RNF152: variants seen among roughly 807,000 people sequenced by gnomAD.
RNF152 encodes the protein ring finger protein 152, also known as E3 ubiquitin-protein ligase RNF152.
RNF152 carries 11 observed loss-of-function variants against 12.7 expected under a neutral mutation model. The observed-to-expected ratio is 0.86, with a 90% CI of 0.54 to 1.43. RNF152 has a LOEUF of 1.43. RNF152 is among the 40% of genes most tolerant of loss of function. RNF152 has a pLI of 0.00. For synonymous variants in RNF152, 113 were observed against 120.3 expected, an observed-to-expected ratio of 0.94 and a Z score of 0.40; for missense variants, 255 against 274.8, an observed-to-expected ratio of 0.93 and a Z score of 0.51.
intron 1 of RNF152, among the ~76,000 whole-genome samples, chr18:61,882,453 G>A (rs1190227701): frequency 3.9e-5 from 6 of 152,234 alleles, no homozygotes; most frequent in African/African-American, 1.4e-4. Context: ...TGATTACATG[G>A]GAAAGAGGCA....
At chr18:61,828,788 C>T (rs1026690228) in intron 1 of RNF152, among the ~76,000 whole-genome samples, 9 of 152,114 alleles carry the variant, frequency 5.9e-5, no homozygotes, top group Non-Finnish European at 1.3e-4. Flanking sequence ...TAAGGCACTA[C>T]TCTAGGTTTG....
intron 1 of RNF152, among the ~76,000 whole-genome samples, chr18:61,826,773 G>A (rs931787812): frequency 3.3e-5 from 5 of 152,140 alleles, no homozygotes; most frequent in Admixed American, 2.6e-4. Flanking sequence ...CACCTACCTC[G>A]AAATCAGCTT....
chr18:61,847,786 C>T (rs909280378), intron 1 of RNF152, among the ~76,000 whole-genome samples: 4 of 152,136 alleles, frequency 2.6e-5, no homozygotes, highest in African/African-American at 7.2e-5. Flanking sequence ...CAGTCTTCCC[C>T]TTCAGTCAAT....
chr18:61,826,809 C>G (rs1909693231), intron 1 of RNF152, among the ~76,000 whole-genome samples: 1 of 152,136 alleles, frequency 6.6e-6, no homozygotes, highest in Non-Finnish European at 1.5e-5. Context: ...GTTACCTTAC[C>G]TGAGTTTTCT....
chr18:61,828,658 C>T (rs529795578), intron 1 of RNF152, among the ~76,000 whole-genome samples: 1 of 152,268 alleles, frequency 6.6e-6, no homozygotes, highest in Non-Finnish European at 1.5e-5. Flanking sequence ...TCTCAGTGTA[C>T]TTTAGTGTGT....
At chr18:61,817,997 G>A (rs1909194883) in intron 1 of RNF152, among the ~76,000 whole-genome samples, 2 of 152,208 alleles carry the variant, frequency 1.3e-5, no homozygotes, top group Admixed American at 6.5e-5. Context: ...CTAGAGATGG[G>A]AGCTATAACA....
intron 1 of RNF152, among the ~76,000 whole-genome samples, chr18:61,879,378 A>G (rs1912354797): frequency 6.6e-6 from 1 of 152,196 alleles, no homozygotes; most frequent in Non-Finnish European, 1.5e-5. Context: ...GTTATATGCA[A>G]AAACTATGGC....
At chr18:61,819,663 T>C (rs1427260269) in intron 1 of RNF152, among the ~76,000 whole-genome samples, 1 of 152,180 alleles carries the variant, frequency 6.6e-6, no homozygotes, top group Non-Finnish European at 1.5e-5. Context: ...ATGAGTTCTG[T>C]TCAGGCCATA....
At chr18:61,829,985 T>A (rs1909862616) in intron 1 of RNF152, among the ~76,000 whole-genome samples, 1 of 151,982 alleles carries the variant, frequency 6.6e-6, no homozygotes, top group Non-Finnish European at 1.5e-5. Flanking sequence ...TAAGTCACCA[T>A]CATGTGTAGC....
Position 61,816,094 on chromosome 18 carries a change from C to G in RNF152, c.370G>C (p.Gly124Arg). The G allele has an allele frequency of 1.2e-6, 2 of 1,614,180 alleles. No individual in the cohort carries two copies. Among genetic ancestry groups the G allele is most frequent in the Non-Finnish European group, 1.7e-6 (2 of 1,180,022 alleles). ...ACGGTGACGGACTTCTGCTGGCTCC[C>G]GGGCAGCAGGCGGCAGCCCATGTCT... ...PGDMGCRLLP[G>R]SQQKSVTVVT... is the part of the protein sequence containing the mutation. The change falls in exon 2 of 2, where the codon GGG becomes CGG. Residue 124 changes from glycine (G) to arginine (R), a missense_variant. Transcript: ENST00000312828.
chr18:61,871,868 T>C (rs1301762956), intron 1 of RNF152, among the ~76,000 whole-genome samples: 1 of 152,170 alleles, frequency 6.6e-6, no homozygotes, highest in Non-Finnish European at 1.5e-5. Context: ...GGTACATATC[T>C]TCATGGCAAC....
intron 1 of RNF152, among the ~76,000 whole-genome samples, chr18:61,886,532 C>T (rs898420602): frequency 6.6e-6 from 1 of 152,126 alleles, no homozygotes; most frequent in African/African-American, 2.4e-5. Context: ...TGATTTTGCC[C>T]CCATTGTAGG....
At position 61,816,257 on chromosome 18, in the gene RNF152, G is replaced by T. The variant is rs566430289; in HGVS notation, c.207C>A (p.Leu69=). 6.2e-7 allele frequency: 1 copy of T among 1,614,238 alleles called. No homozygotes were observed. The highest frequency in any genetic ancestry group is 1.3e-5 in the African/African-American group (1 of 75,080). The change falls in exon 2 of 2, where the codon CTC becomes CTA. Residue 69 remains leucine, a synonymous_variant. Transcript: ENST00000312828. The stretch of plus-strand genomic sequence containing the variant: ...CAGCCAGGACCTCCGGGTCGTCCGG[G>T]AGCTGCGACACGGAGAAGCCGGGAG... ...KLPPGFSVSQ[L]PDDPEVLAVI...
chr18:61,848,941 C>T (rs576473680), intron 1 of RNF152, among the ~76,000 whole-genome samples: 2 of 152,346 alleles, frequency 1.3e-5, no homozygotes, highest in East Asian at 3.9e-4. Context: ...GATGCAGAAT[C>T]TCCAGCACAA....
rs762750221 is a variant in RNF152, at chr18:61,815,958, A to G, written c.506T>C (p.Val169Ala). The G allele has an allele frequency of 1.2e-6, 2 of 1,613,954 alleles. No homozygotes were observed. Among genetic ancestry groups the G allele is most frequent in the Non-Finnish European group, 1.7e-6 (2 of 1,179,984 alleles). ...GVVKSSTWSG[V>A]CTVILVACVL... ...GCAAGCCACCAAGATGACAGTGCAC[A>G]CCCCCGACCAGGTGGAGCTTTTCAC... The change falls in exon 2 of 2, where the codon GTG becomes GCG. Residue 169 changes from valine to alanine, a missense_variant. Physicochemically the swap from Val to Ala is moderately conservative, Grantham distance 64. Transcript: ENST00000312828.
intron 1 of RNF152, among the ~76,000 whole-genome samples, chr18:61,873,549 G>A (rs575184346): frequency 3.9e-5 from 6 of 152,236 alleles, no homozygotes; most frequent in African/African-American, 1.2e-4. Context: ...TGGTCAGGCT[G>A]GTCTTGAACT....
At chr18:61,889,210 A>G (rs1410546847) in intron 1 of RNF152, among the ~76,000 whole-genome samples, 1 of 152,174 alleles carries the variant, frequency 6.6e-6, no homozygotes, top group Non-Finnish European at 1.5e-5. Context: ...TGATACTGAT[A>G]TCCCCTCAGT....
chr18:61,845,295 T>C (rs1453287620), intron 1 of RNF152, among the ~76,000 whole-genome samples: 2 of 152,242 alleles, frequency 1.3e-5, no homozygotes, highest in Non-Finnish European at 1.5e-5. Context: ...GTTTTGGCTG[T>C]GCTGTGTAAG....
intron 1 of RNF152, among the ~76,000 whole-genome samples, chr18:61,836,124 T>C (rs567981831): frequency 6.6e-6 from 1 of 152,184 alleles, no homozygotes; most frequent in African/African-American, 2.4e-5. Context: ...GGTATCTAAG[T>C]AGCATTTCTC....
Sources: gnomAD v4.1 joint callset for allele counts (sites outside exome capture counted in the v4.1 genomes callset) on GRCh38, gnomAD v4.1.1 for gene constraint, MANE v1.5 for transcripts, NCBI Gene and HGNC (gene_info 2026-07-23, HGNC 2026-07-21) for gene names.